The following CDK12 variants were observed in gnomAD, a reference collection of about 807,000 sequenced individuals.
CDK12 encodes cyclin-dependent kinase 12.
CDK12 carries 17 observed loss-of-function variants against 133.8 expected under a neutral mutation model. That is an observed-to-expected ratio of 0.13 (90% CI 0.09 to 0.19). CDK12 has a LOEUF of 0.19. Ranked by LOEUF, CDK12 falls within the 10% of genes least tolerant of loss-of-function variation. CDK12 has a pLI of 1.00. For missense variants in CDK12, 1,508 were observed against 1,818.7 expected (o/e 0.83, Z 3.11); for synonymous variants, 694 against 683.6 (o/e 1.02, Z -0.24).
intron 10 of CDK12, 41 bp downstream of exon 10, chr17:39,517,597 C>T (rs2146516120): frequency 7.9e-7 from 1 of 1,264,232 alleles, no homozygotes; most frequent in South Asian, 1.2e-5. Context: ...CTGTGTCTGG[C>T]TGGTGTTGGG....
chr17:39,565,413 C>CTGTTTGTTTGTT (rs5820296), downstream of CDK12, among the ~76,000 whole-genome samples: 796 of 144,858 alleles, frequency 5.5e-3, 5 homozygotes, highest in Admixed American at 8.5e-3. Context: ...CGCACCCAGC[C>CTGTTTGTTTGTT]TGTTTGTTTG....
intron 2 of CDK12, among the ~76,000 whole-genome samples, chr17:39,484,619 A>G (rs772685355): frequency 3.3e-5 from 5 of 152,224 alleles, no homozygotes; most frequent in Non-Finnish European, 5.9e-5. Context: ...CTGGTAGGAC[A>G]TAACCTATCA....
At chr17:39,526,380 T>G (rs2054500365) in intron 13 of CDK12, 64 bp downstream of exon 13, 14 of 1,288,710 alleles carry the variant, frequency 1.1e-5, no homozygotes, top group Non-Finnish European at 1.3e-5. Flanking sequence ...TAAAAATCTC[T>G]TAACATTTTT....
chr17:39,525,300 CTG>C (rs998056617), intron 12 of CDK12, among the ~76,000 whole-genome samples: 3 of 152,092 alleles, frequency 2.0e-5, no homozygotes, highest in Non-Finnish European at 2.9e-5. Context: ...GTTCTATAGA[CTG>C]TTATTTTGAT....
At chr17:39,469,401 C>A (rs1480949620) in intron 1 of CDK12, among the ~76,000 whole-genome samples, 2 of 152,132 alleles carry the variant, frequency 1.3e-5, no homozygotes, top group Non-Finnish European at 2.9e-5. Context: ...TTTGGTAAAT[C>A]ATTTTCTCCA....
chr17:39,486,253 C>CTTTT lies in CDK12; in HGVS notation c.1932-4285_1932-4282dup, dbSNP rs35710234. ...AGACATGAGCCACTGCACCCTGCCT[C>CTTTT]TTTTTTTTTTTTTTTTTTTTTTCTG... On this transcript the variant is annotated intron_variant, in intron 2 of 13. Coordinates refer to ENST00000447079, the MANE Select transcript of CDK12 (RefSeq NM_016507.4). Among the ~76,000 whole-genome samples the CTTTT allele has an allele frequency of 2.5e-3, 213 of 86,528 alleles. 4 individuals are homozygous for CTTTT. Among genetic ancestry groups the CTTTT allele is most frequent in the African/African-American group, 8.8e-3 (203 of 23,168 alleles). The allele number at this position is 86,528 out of a possible 152,430, so 56.8% of individuals were successfully genotyped here.
At chr17:39,509,520 A>C (rs779278983) in intron 6 of CDK12, among the ~76,000 whole-genome samples, 185 bp from the exon 7 acceptor site, 1 of 152,148 alleles carries the variant, frequency 6.6e-6, no homozygotes, top group Non-Finnish European at 1.5e-5. Context: ...TAAGAGTAGA[A>C]GTAATCATGA....
intron 5 of CDK12, among the ~76,000 whole-genome samples, chr17:39,496,102 G>A (rs1340605486): frequency 1.3e-5 from 2 of 151,800 alleles, no homozygotes; most frequent in South Asian, 2.1e-4. Flanking sequence ...AATAGAGACC[G>A]GGTTTCACCA....
chr17:39,557,365 G>T (rs2056198808), intron 3 of CDK12, among the ~76,000 whole-genome samples: 1 of 152,016 alleles, frequency 6.6e-6, no homozygotes, highest in Non-Finnish European at 1.5e-5. Context: ...TTCCTTCCTG[G>T]GTCATTTTCT....
At chr17:39,511,714 A>G in intron 8 of CDK12, 84 bp downstream of exon 8, 1 of 737,330 alleles carries the variant, frequency 1.4e-6, no homozygotes, top group Non-Finnish European at 2.2e-6. Context: ...CTGGCTTTTT[A>G]GAGCTCTTCT....
downstream of CDK12, among the ~76,000 whole-genome samples, chr17:39,565,349 T>C (rs965972085): frequency 6.6e-6 from 1 of 151,792 alleles, no homozygotes; most frequent in African/African-American, 2.4e-5. Context: ...CTCCTGACCT[T>C]GTGATCCGCC....
chr17:39,555,232 A>G (rs2056108800), intron 2 of CDK12, among the ~76,000 whole-genome samples: 1 of 152,240 alleles, frequency 6.6e-6, no homozygotes. Context: ...CAGCCTGGGC[A>G]ACAGAGCGAG....
intron 1 of CDK12, among the ~76,000 whole-genome samples, chr17:39,465,585 C>G (rs1414925539): frequency 6.6e-6 from 1 of 151,942 alleles, no homozygotes; most frequent in Non-Finnish European, 1.5e-5. Flanking sequence ...CTCTCGGGTT[C>G]AAGCTATTCT....
chr17:39,524,033 T>G (rs998960859), intron 11 of CDK12, among the ~76,000 whole-genome samples: 6 of 152,220 alleles, frequency 3.9e-5, no homozygotes, highest in African/African-American at 1.4e-4. Flanking sequence ...TGGGAACTCC[T>G]ATTATAGAGA....
intron 2 of CDK12, among the ~76,000 whole-genome samples, chr17:39,553,605 C>T (rs1304068387): frequency 6.6e-6 from 1 of 152,208 alleles, no homozygotes; most frequent in South Asian, 2.1e-4. Flanking sequence ...TGAGGTCTCT[C>T]ACACTCCTTT....
intron 1 of CDK12, among the ~76,000 whole-genome samples, chr17:39,541,588 A>C (rs561266269): frequency 2.6e-5 from 3 of 117,112 alleles, no homozygotes; most frequent in East Asian, 5.5e-4. Context: ...GATGATCTCG[A>C]TCTCCAGACC....
intron 5 of CDK12, among the ~76,000 whole-genome samples, chr17:39,497,683 A>T (rs1027733809): frequency 1.3e-5 from 2 of 151,806 alleles, no homozygotes; most frequent in Admixed American, 1.3e-4. Flanking sequence ...AGCTCATTAC[A>T]TCCTCAACCT....
Position 39,533,017 on chromosome 17 carries a change from A to G in CDK12, c.*1701A>G, listed in dbSNP as rs1037642064. ...TTCAAAACTCAAGTTTCATGTTTCAATGCCAAGTTCTTATTTTAAAAAATA... is the reference window on the plus strand; with the variant it reads ...TTCAAAACTCAAGTTTCATGTTTCAGTGCCAAGTTCTTATTTTAAAAAATA... On this transcript the variant is annotated 3_prime_UTR_variant, in exon 14 of 14. Coordinates refer to ENST00000447079, the MANE Select transcript of CDK12 (RefSeq NM_016507.4). 1 of 232,640 alleles carries G rather than the reference A, an allele frequency of 4.3e-6. No individual in the cohort carries two copies. The highest frequency in any genetic ancestry group is 6.0e-5 in the East Asian group (1 of 16,560). 14.4% of individuals were successfully genotyped at this position (232,640 alleles called of 1,614,324 possible).
intron 3 of CDK12, among the ~76,000 whole-genome samples, chr17:39,557,916 A>G (rs1438518541): frequency 1.3e-5 from 2 of 152,158 alleles, no homozygotes; most frequent in African/African-American, 4.8e-5. Context: ...TTTGAGTCCT[A>G]GTTTCCTTGT....
Sources: gnomAD v4.1 joint callset for allele counts (sites outside exome capture counted in the v4.1 genomes callset) on GRCh38, gnomAD v4.1.1 for gene constraint, MANE v1.5 for transcripts, NCBI Gene and HGNC (gene_info 2026-07-23, HGNC 2026-07-21) for gene names.